The following ERC2 variants were observed in gnomAD, a reference collection of about 807,000 sequenced individuals.
ERC2 encodes the protein ERC protein 2.
Under a neutral mutation model 114.8 loss-of-function variants are expected in ERC2, and 42 were observed. The ratio of observed to expected loss-of-function variants is 0.37; its 90% CI spans 0.29 to 0.47. ERC2 has a LOEUF of 0.47. ERC2 is among the 20% of genes least tolerant of loss of function. The pLI, the probability that ERC2 is intolerant of heterozygous loss-of-function variation, is 0.99. For missense variants in ERC2, 939 were observed against 1,150.7 expected (o/e 0.82, Z 2.66); for synonymous variants, 454 against 425.5 (o/e 1.07, Z -0.82).
At chr3:56,163,018 C>A (rs1279227611) in intron 4 of ERC2, among the ~76,000 whole-genome samples, 1 of 152,064 alleles carries the variant, frequency 6.6e-6, no homozygotes, top group Non-Finnish European at 1.5e-5. Context: ...ACAAACTTTC[C>A]TCTTAACACT....
chr3:56,279,798 C>A (rs765013719), intron 3 of ERC2, among the ~76,000 whole-genome samples: 16 of 151,988 alleles, frequency 1.1e-4, no homozygotes, highest in Non-Finnish European at 2.4e-4. Context: ...AAGGTAAGAG[C>A]AATGGAAATG....
chr3:55,641,717 C>G (rs2148656554), intron 17 of ERC2, among the ~76,000 whole-genome samples: 1 of 152,196 alleles, frequency 6.6e-6, no homozygotes, highest in African/African-American at 2.4e-5. Flanking sequence ...CTACTGATGC[C>G]TCTCTCCTTT....
intron 12 of ERC2, among the ~76,000 whole-genome samples, chr3:55,979,764 A>AC (rs756277189): frequency 2.1e-5 from 3 of 141,658 alleles, no homozygotes; most frequent in Non-Finnish European, 4.6e-5. Flanking sequence ...ACATAGTGAG[A>AC]CCCCACCTCT....
intron 16 of ERC2, among the ~76,000 whole-genome samples, chr3:55,691,573 A>AAAAATAT (rs1553631525): frequency 1.0e-4 from 4 of 39,746 alleles, no homozygotes; most frequent in Non-Finnish European, 1.9e-4. Flanking sequence ...AAAAAAAAAA[A>AAAAATAT]ATATATATAT....
intron 7 of ERC2, among the ~76,000 whole-genome samples, chr3:56,029,907 G>T (rs535343051): frequency 3.5e-4 from 53 of 152,106 alleles, no homozygotes; most frequent in Non-Finnish European, 6.5e-4. Context: ...TAGGAACTTG[G>T]AGTATTCATT....
chr3:56,225,961 A>G (rs1410387933), intron 3 of ERC2, among the ~76,000 whole-genome samples: 1 of 152,206 alleles, frequency 6.6e-6, no homozygotes, highest in African/African-American at 2.4e-5. Flanking sequence ...CATTTATGGC[A>G]ATCAGAACTG....
At chr3:56,114,047 C>T (rs953331431) in intron 6 of ERC2, among the ~76,000 whole-genome samples, 1 of 152,136 alleles carries the variant, frequency 6.6e-6, no homozygotes, top group Non-Finnish European at 1.5e-5. Context: ...GCAAGCACTT[C>T]AAGGGAGGAC....
intron 6 of ERC2, among the ~76,000 whole-genome samples, chr3:56,097,571 A>T (rs2078131620): frequency 6.6e-6 from 1 of 152,194 alleles, no homozygotes; most frequent in Admixed American, 6.5e-5. Flanking sequence ...CTCTTGAGGC[A>T]GTGGTTTCTT....
intron 11 of ERC2, among the ~76,000 whole-genome samples, chr3:55,989,978 C>T (rs1356506444): frequency 1.3e-5 from 2 of 152,180 alleles, no homozygotes; most frequent in African/African-American, 2.4e-5. Flanking sequence ...TTTCTGACTA[C>T]AGGCCCAATC....
At chr3:56,224,982 C>T (rs1354709111) in intron 3 of ERC2, among the ~76,000 whole-genome samples, 1 of 152,082 alleles carries the variant, frequency 6.6e-6, no homozygotes, top group Non-Finnish European at 1.5e-5. Flanking sequence ...AGGGGACCTG[C>T]TCCCATTCCT....
At chr3:55,577,597 A>G (rs959840636) in intron 17 of ERC2, among the ~76,000 whole-genome samples, 1 of 152,136 alleles carries the variant, frequency 6.6e-6, no homozygotes, top group African/African-American at 2.4e-5. Context: ...ATTTTATAGC[A>G]GGAGGAAGAG....
At chr3:55,664,283 G>T (rs2061265203) in intron 17 of ERC2, among the ~76,000 whole-genome samples, 1 of 152,054 alleles carries the variant, frequency 6.6e-6, no homozygotes, top group Non-Finnish European at 1.5e-5. Flanking sequence ...AAATCGACTT[G>T]AGTCTACTTA....
chr3:55,795,131 T>C (rs1264230002), intron 14 of ERC2, among the ~76,000 whole-genome samples: 1 of 152,144 alleles, frequency 6.6e-6, no homozygotes, highest in East Asian at 1.9e-4. Flanking sequence ...AAAAGTACAT[T>C]AACGTTCTTT....
In ERC2 at chr3:55,725,639, T is replaced by A. The variant is rs185635841; in HGVS notation, c.2712+9132A>T. Among the ~76,000 whole-genome samples, 612 of 152,298 alleles carry A rather than the reference T, an allele frequency of 4.0e-3. 3 individuals are homozygous for A. The highest frequency in any genetic ancestry group is 0.013 in the African/African-American group (549 of 41,564). ...ACCTCCTATAGCCAAAGAGTGCCCA[T>A]AAGTGCTCCATGCATGTTTAGGGAG... On this transcript the variant is annotated intron_variant, in intron 15 of 17. Transcript: ENST00000288221.
intron 12 of ERC2, among the ~76,000 whole-genome samples, chr3:55,970,870 AAAC>A (rs1447697685): frequency 1.3e-5 from 2 of 152,332 alleles, no homozygotes; most frequent in Non-Finnish European, 2.9e-5. Flanking sequence ...ACATATATTC[AAAC>A]AACAACTTGC....
At chr3:56,014,229 G>C (rs1316470273) in intron 8 of ERC2, among the ~76,000 whole-genome samples, 3 of 152,134 alleles carry the variant, frequency 2.0e-5, no homozygotes, top group African/African-American at 7.2e-5. Flanking sequence ...TTTTGAAATA[G>C]ACCAGGGATC....
At chr3:55,779,245 G>A (rs1480464212) in intron 14 of ERC2, among the ~76,000 whole-genome samples, 1 of 151,072 alleles carries the variant, frequency 6.6e-6, no homozygotes, top group Non-Finnish European at 1.5e-5. Context: ...ACTTTGGGAG[G>A]CCGAGGAGGG....
At chr3:56,264,119 T>C (rs373106627) in intron 3 of ERC2, among the ~76,000 whole-genome samples, 4 of 152,202 alleles carry the variant, frequency 2.6e-5, no homozygotes, top group Admixed American at 2.0e-4. Context: ...ATGTTGAAAA[T>C]TCTCAAGAAA....
chr3:55,825,375 A>T (rs2060284194), intron 14 of ERC2, among the ~76,000 whole-genome samples: 1 of 152,216 alleles, frequency 6.6e-6, no homozygotes. Flanking sequence ...AATACAATAT[A>T]CAGTTTAACA....
Sources: gnomAD v4.1 joint callset for allele counts (sites outside exome capture counted in the v4.1 genomes callset) on GRCh38, gnomAD v4.1.1 for gene constraint, MANE v1.5 for transcripts, NCBI Gene and HGNC (gene_info 2026-07-23, HGNC 2026-07-21) for gene names.